The following ZNF695 variants were observed in gnomAD, a reference collection of about 807,000 sequenced individuals.
ZNF695 encodes zinc finger protein 695.
A neutral mutation model predicts 11.2 loss-of-function variants in ZNF695; 11 were observed. That is an observed-to-expected ratio of 0.98 (90% CI 0.62 to 1.62). The LOEUF (loss-of-function observed/expected upper bound fraction) is 1.62. ZNF695 is among the 40% of genes most tolerant of loss of function. ZNF695 has a pLI of 0.00. For missense variants in ZNF695, 559 were observed against 590.5 expected, an observed-to-expected ratio of 0.95 and a Z score of 0.55; for synonymous variants, 190 against 201.4, an observed-to-expected ratio of 0.94 and a Z score of 0.48.
intron 1 of ZNF695, among the ~76,000 whole-genome samples, chr1:247,001,389 C>T (rs1669375849): frequency 2.0e-5 from 3 of 151,294 alleles, no homozygotes; most frequent in Admixed American, 2.0e-4. Flanking sequence ...TAGCAAGACC[C>T]TGTCTCTGTT....
chr1:246,972,155 C>T (rs1668444267), intron 4 of ZNF695, among the ~76,000 whole-genome samples: 1 of 152,230 alleles, frequency 6.6e-6, no homozygotes. Context: ...GGTGCTCCGC[C>T]TCCTCTTGCC....
At chr1:246,994,826 G>C (rs1329292389) in intron 3 of ZNF695, among the ~76,000 whole-genome samples, 2 of 129,144 alleles carry the variant, frequency 1.5e-5, no homozygotes, top group East Asian at 6.2e-4. Context: ...GACAGAGCAA[G>C]ACTCCGTCTC....
rs371639938 is a variant in ZNF695, at chr1:246,987,912, T to C, written c.603A>G (p.Gln201=). ...TCTCTCCAATATGGATTCTCTGCTG[T>C]TGAGTCATTATTAAAGACATGCAAG... The part of the protein sequence containing the change: ...NVSCMSLIMT[Q]QQRIHIGENP... The change falls in exon 4 of 4, where the codon CAA becomes CAG. Residue 201 remains glutamine, a synonymous_variant. Transcript: ENST00000339986. 2.5e-6 allele frequency: 4 copies of C among 1,610,758 alleles called. No homozygotes were observed. The highest frequency in any genetic ancestry group is 2.7e-5 in the African/African-American group (2 of 74,750).
At position 247,007,968 on chromosome 1, in the gene ZNF695, C is replaced by A; in HGVS notation, c.-60G>T. 6.9e-7 allele frequency: 1 copy of A among 1,459,698 alleles called. No homozygotes were observed. The highest frequency in any genetic ancestry group is 1.5e-5 in the South Asian group (1 of 67,572). The allele number at this position is 1,459,698 out of a possible 1,614,324, so 90.4% of individuals were successfully genotyped here. A position where few individuals can be genotyped will look rare whatever the true frequency, so the allele number is the denominator to read the frequency against. The stretch of plus-strand genomic sequence containing the variant: ...TAAATCTCGCAATACCTGCAGGCCA[C>A]AGGGCGATGGAGCCTGCGGCAGTCA... On this transcript the variant is annotated 5_prime_UTR_variant, in exon 1 of 4. Transcript: ENST00000339986.
chr1:246,990,189 G>A, intron 3 of ZNF695, among the ~76,000 whole-genome samples: 2 of 42,060 alleles, frequency 4.8e-5, no homozygotes, highest in East Asian at 6.0e-3. Context: ...AGGAAAGGAA[G>A]GAAAAGAGAA....
At chr1:246,999,134 A>C (rs1449467429) in intron 3 of ZNF695, among the ~76,000 whole-genome samples, 1 of 152,082 alleles carries the variant, frequency 6.6e-6, no homozygotes, top group Non-Finnish European at 1.5e-5. Context: ...GCTCACTGTA[A>C]ACTTGAAGGA....
chr1:247,000,366 G>A lies in ZNF695; in HGVS notation c.4-292C>T, dbSNP rs760886336. 5.9e-5 allele frequency among the ~76,000 whole-genome samples: 9 copies of A among 152,078 alleles called. No homozygotes were observed. The South Asian group carries it at 8.3e-4, about 14-fold the overall frequency. On this transcript the variant is annotated intron_variant, in intron 1 of 3. Transcript: ENST00000339986. Reference sequence around the variant, plus strand: ...CTAAAACCACAAAAATTAGCCGGGCGTGGTGGCACATGCCTGTAGTCCCAG... The same window carrying A: ...CTAAAACCACAAAAATTAGCCGGGCATGGTGGCACATGCCTGTAGTCCCAG...
At chr1:246,962,646 C>T (rs1309120718) in intron 5 of ZNF695, among the ~76,000 whole-genome samples, 1 of 152,016 alleles carries the variant, frequency 6.6e-6, no homozygotes, top group African/African-American at 2.4e-5. Context: ...AAATTACTAA[C>T]ATCAGATTTC....
At chr1:246,994,802 A>C (rs1164598290) in intron 3 of ZNF695, among the ~76,000 whole-genome samples, 1 of 151,870 alleles carries the variant, frequency 6.6e-6, no homozygotes, top group African/African-American at 2.4e-5. Context: ...GCCCCACTGC[A>C]CTTCAGCCTG....
intron 5 of ZNF695, among the ~76,000 whole-genome samples, chr1:246,959,089 A>G (rs2103003688): frequency 6.6e-6 from 1 of 151,090 alleles, no homozygotes; most frequent in East Asian, 2.0e-4. Flanking sequence ...AGTTTCAGAC[A>G]AGCCTGGGCA....
intron 5 of ZNF695, among the ~76,000 whole-genome samples, chr1:246,965,580 T>C (rs1394508997): frequency 8.0e-5 from 12 of 150,838 alleles, no homozygotes; most frequent in Admixed American, 7.9e-4. Context: ...CTACTAAAAA[T>C]ACAAAAATTA....
chr1:247,007,357 G>A (rs1378845820), intron 1 of ZNF695, among the ~76,000 whole-genome samples: 1 of 151,952 alleles, frequency 6.6e-6, no homozygotes, highest in East Asian at 1.9e-4. Context: ...TTAGCTGGGC[G>A]TGGTGGTGGG....
In ZNF695 at chr1:246,988,105, T is replaced by C. The variant is rs771807389; in HGVS notation, c.410A>G (p.Gln137Arg). 2 of 1,613,880 alleles carry C rather than the reference T, an allele frequency of 1.2e-6. No homozygotes were observed. Among genetic ancestry groups the C allele is most frequent in the Admixed American group, 3.3e-5 (2 of 59,990 alleles). The change falls in exon 4 of 4, where the codon CAG becomes CGG. Residue 137 changes from glutamine (Q) to arginine (R), a missense_variant. Coordinates refer to ENST00000339986, the MANE Select transcript of ZNF695 (RefSeq NM_020394.5). ...GTCAAGTCCATTATAACTTGCCTTC[T>C]GCCCTTTCCACTCACCCACAATTTC... ...DWEIVGEWKG[Q>R]KASYNGLDLC...
chr1:246,976,650 C>G (rs575930695), intron 4 of ZNF695, among the ~76,000 whole-genome samples: 49 of 151,586 alleles, frequency 3.2e-4, no homozygotes, highest in African/African-American at 1.1e-3. Context: ...AAAAATTAGC[C>G]AGGCATGGTG....
intron 5 of ZNF695, among the ~76,000 whole-genome samples, chr1:246,953,383 C>T (rs976701391): frequency 1.3e-5 from 2 of 151,514 alleles, no homozygotes; most frequent in South Asian, 2.1e-4. Context: ...CCGAGGCGGG[C>T]GGATCACGAG....
chr1:246,961,544 G>T (rs1274086259), intron 5 of ZNF695, among the ~76,000 whole-genome samples: 3 of 152,120 alleles, frequency 2.0e-5, no homozygotes, highest in Non-Finnish European at 4.4e-5. Context: ...CGTACAGGAA[G>T]GCTCTGCTTC....
At chr1:246,966,937 T>G (rs980407819) in intron 5 of ZNF695, 8 of 430,348 alleles carry the variant, frequency 1.9e-5, no homozygotes, top group Non-Finnish European at 3.7e-5. Flanking sequence ...TGTTACTTTT[T>G]TTGTTGTTTT....
At chr1:246,979,223 T>A (rs770610379) in intron 4 of ZNF695, among the ~76,000 whole-genome samples, 1 of 152,184 alleles carries the variant, frequency 6.6e-6, no homozygotes, top group East Asian at 1.9e-4. Flanking sequence ...AACTCAAAAA[T>A]AGAGTCCTTT....
rs1160614604 is a variant in ZNF695, at chr1:246,999,535, C to T, written c.167-95G>A. ...GAGAAGAGAAAACATCACATTAGAT[C>T]CTAGAAAATTAACTCCAAAATACTG... On this transcript the variant is annotated intron_variant, in intron 2 of 3. Transcript: ENST00000339986. 4.2e-6 allele frequency: 4 copies of T among 959,690 alleles called. No homozygotes were observed. The Admixed American group carries it at 1.0e-4, about 25-fold the overall frequency. 59.4% of individuals were successfully genotyped at this position (959,690 alleles called of 1,614,324 possible). A position where few individuals can be genotyped will look rare whatever the true frequency, so the allele number is the denominator to read the frequency against.
Sources: gnomAD v4.1 joint callset for allele counts (sites outside exome capture counted in the v4.1 genomes callset) on GRCh38, gnomAD v4.1.1 for gene constraint, MANE v1.5 for transcripts, NCBI Gene and HGNC (gene_info 2026-07-23, HGNC 2026-07-21) for gene names.